Variants in ARHGAP22 observed in about 807,000 individuals in gnomAD.
The protein encoded by ARHGAP22 is rho GTPase-activating protein 22.
A neutral mutation model predicts 59.1 loss-of-function variants in ARHGAP22; 48 were observed. That is an observed-to-expected ratio of 0.81 (90% CI 0.64 to 1.03). The LOEUF is 1.03. Ranked by LOEUF, ARHGAP22 falls within the 50% of genes least tolerant of loss-of-function variation. The probability of loss-of-function intolerance (pLI) is 0.00; values close to 1 mark genes in which losing one functional copy is unlikely to be tolerated. For synonymous variants in ARHGAP22, 445 were observed against 416.4 expected (o/e 1.07, Z -0.84); for missense variants, 1,015 against 958.7 (o/e 1.06, Z -0.78).
chr10:48,569,720 A>G (rs2058279175), intron 2 of ARHGAP22, among the ~76,000 whole-genome samples: 1 of 152,244 alleles, frequency 6.6e-6, no homozygotes. Flanking sequence ...GCTCATTACT[A>G]CCGGTAACAC....
intron 3 of ARHGAP22, among the ~76,000 whole-genome samples, chr10:48,506,363 C>T (rs2052140331): frequency 6.6e-6 from 1 of 152,190 alleles, no homozygotes; most frequent in East Asian, 1.9e-4. Flanking sequence ...CAGCATGAGA[C>T]TGTGTGGAAT....
intron 1 of ARHGAP22, among the ~76,000 whole-genome samples, chr10:48,590,742 T>G (rs2059702012): frequency 1.3e-5 from 2 of 152,140 alleles, no homozygotes; most frequent in African/African-American, 2.4e-5. Flanking sequence ...ACTTGGCGCT[T>G]GCTCTATGAC....
chr10:48,556,847 T>C (rs924886036), intron 2 of ARHGAP22, among the ~76,000 whole-genome samples: 172 of 152,298 alleles, frequency 1.1e-3, no homozygotes, highest in Non-Finnish European at 1.0e-4. Context: ...CAAAGTCACC[T>C]GCTGTATCCA....
chr10:48,459,570 G>T, intron 5 of ARHGAP22, 114 bp downstream of exon 5: 2 of 1,228,632 alleles, frequency 1.6e-6, no homozygotes, highest in African/African-American at 1.5e-5. Context: ...AGGAGGGCTG[G>T]CCCACCATCC....
chr10:48,651,119 C>T (rs1186662018), intron 1 of ARHGAP22, among the ~76,000 whole-genome samples: 1 of 152,196 alleles, frequency 6.6e-6, no homozygotes, highest in Non-Finnish European at 1.5e-5. Context: ...TAAAAATATG[C>T]TGATATCTTG....
At position 48,583,104 on chromosome 10, in the gene ARHGAP22, C is replaced by T. The variant is rs140291555; in HGVS notation, c.83G>A (p.Arg28Gln). The T allele has an allele frequency of 1.8e-4, 289 of 1,614,256 alleles. No homozygotes were observed. Among genetic ancestry groups the T allele is most frequent in the African/African-American group, 4.3e-4 (32 of 75,082 alleles). Residue 28 changes from arginine to glutamine, a missense_variant, in exon 2 of 10, where the codon CGG becomes CAG. Physicochemically the swap from Arg to Gln is conservative, Grantham distance 43 (BLOSUM62 1). Transcript: ENST00000249601. ...VMGEQSRSPG[R>Q]MPCPHRLGPV... ...GCCCAGCCTGTGAGGGCACGGCATCCGCCCAGGGCTCCGGCTCTGCTCCCC... is the reference window on the plus strand; with the variant it reads ...GCCCAGCCTGTGAGGGCACGGCATCTGCCCAGGGCTCCGGCTCTGCTCCCC...
In ARHGAP22 at chr10:48,648,289, G is replaced by C. The variant is rs748310956; in HGVS notation, c.52+3945C>G. Among the ~76,000 whole-genome samples, 156 of 152,278 alleles carry C rather than the reference G, an allele frequency of 1.0e-3. 1 individual carries two copies. Among genetic ancestry groups the C allele is most frequent in the Admixed American group, 1.6e-3 (25 of 15,292 alleles). ...AAAGGAGTATGGGAAGGCAGGGCAG[G>C]GTTTCAATTACTGCAGTCATTAAAA... On this transcript the variant is annotated intron_variant, in intron 1 of 9. Transcript: ENST00000435790.
intron 3 of ARHGAP22, chr10:48,532,989 G>C (rs2055003736): frequency 6.6e-6 from 1 of 152,146 alleles, no homozygotes; most frequent in Admixed American, 6.5e-5. Flanking sequence ...GTGATAAGCA[G>C]AAATGAGGCT....
At chr10:48,585,183 C>A (rs2059355882) in intron 1 of ARHGAP22, among the ~76,000 whole-genome samples, 1 of 152,182 alleles carries the variant, frequency 6.6e-6, no homozygotes, top group African/African-American at 2.4e-5. Context: ...TTGCTTCTAG[C>A]ACTCCCATTA....
At chr10:48,575,131 T>G (rs1046199134) in intron 2 of ARHGAP22, 10 of 152,228 alleles carry the variant, frequency 6.6e-5, no homozygotes, top group African/African-American at 2.4e-4. Context: ...TCTGGCCATG[T>G]GACATGACTG....
chr10:48,595,452 A>G (rs1338452537), intron 1 of ARHGAP22, among the ~76,000 whole-genome samples: 1 of 152,186 alleles, frequency 6.6e-6, no homozygotes. Flanking sequence ...CAAGCATCAG[A>G]TGATTTATTA....
At chr10:48,586,529 G>A (rs983147578) in intron 1 of ARHGAP22, among the ~76,000 whole-genome samples, 1 of 152,202 alleles carries the variant, frequency 6.6e-6, no homozygotes, top group African/African-American at 2.4e-5. Context: ...ACAGGGCAGA[G>A]AATGGACCAC....
intron 3 of ARHGAP22, among the ~76,000 whole-genome samples, chr10:48,493,274 C>T (rs140151734): frequency 0.028 from 4,217 of 152,310 alleles, 89 homozygotes; most frequent in Non-Finnish European, 0.044. Flanking sequence ...CCAGATGTAC[C>T]AGGCTGAACC....
chr10:48,483,427 G>A (rs1022678259), intron 3 of ARHGAP22, among the ~76,000 whole-genome samples: 3 of 152,310 alleles, frequency 2.0e-5, no homozygotes, highest in Admixed American at 2.0e-4. Flanking sequence ...AATACCAGCA[G>A]TGGAATTGCT....
chr10:48,495,785 T>C (rs1430126627), intron 3 of ARHGAP22, among the ~76,000 whole-genome samples: 4 of 152,254 alleles, frequency 2.6e-5, no homozygotes, highest in Non-Finnish European at 5.9e-5. Flanking sequence ...GGCTTCCCTC[T>C]CACATTCCCT....
At chr10:48,542,449 T>C (rs1306107619) in intron 3 of ARHGAP22, among the ~76,000 whole-genome samples, 1 of 152,242 alleles carries the variant, frequency 6.6e-6, no homozygotes, top group Non-Finnish European at 1.5e-5. Flanking sequence ...AGTGGGCCAG[T>C]GGAGCGTATG....
chr10:48,526,986 A>C (rs1203854933), intron 3 of ARHGAP22, among the ~76,000 whole-genome samples: 1 of 152,188 alleles, frequency 6.6e-6, no homozygotes, highest in Non-Finnish European at 1.5e-5. Context: ...GGGGAAGGAA[A>C]ATAACATTCA....
Position 48,450,389 on chromosome 10 carries a change from G to A in ARHGAP22, c.1740C>T (p.Ser580=), listed in dbSNP as rs367626104. 213 of 1,573,526 alleles carry A rather than the reference G, an allele frequency of 1.4e-4. No individual in the cohort carries two copies. The highest frequency in any genetic ancestry group is 1.7e-4 in the Middle Eastern group (1 of 5,858). ...MDEAGAGASN[S]EPSEPDSPTR... is the part of the protein sequence containing the mutation. ...TGGGGCTGTCCGGCTCGCTGGGCTCGCTGTTGCTGGCACCCGCGCCCGCCT... is the reference window on the plus strand; with the variant it reads ...TGGGGCTGTCCGGCTCGCTGGGCTCACTGTTGCTGGCACCCGCGCCCGCCT... Residue 580 remains serine, a synonymous_variant, in exon 9 of 10, where the codon AGC becomes AGT. Transcript: ENST00000249601.
At chr10:48,647,735 G>A (rs370592288) in intron 1 of ARHGAP22, among the ~76,000 whole-genome samples, 2 of 152,230 alleles carry the variant, frequency 1.3e-5, no homozygotes, top group Non-Finnish European at 2.9e-5. Flanking sequence ...GCATATGCAT[G>A]TGAATGCTCA....
Sources: gnomAD v4.1 joint callset for allele counts (sites outside exome capture counted in the v4.1 genomes callset) on GRCh38, gnomAD v4.1.1 for gene constraint, MANE v1.5 for transcripts, NCBI Gene and HGNC (gene_info 2026-07-23, HGNC 2026-07-21) for gene names.